ACAN: variants seen among roughly 807,000 people sequenced by gnomAD.
The protein encoded by ACAN is aggrecan core protein.
A neutral mutation model predicts 169.1 loss-of-function variants in ACAN; 47 were observed. The observed-to-expected ratio is 0.28, with a 90% CI of 0.22 to 0.35. The LOEUF is 0.35. Among genes scored for constraint, ACAN ranks in the 10% least tolerant of loss-of-function variants. The probability of loss-of-function intolerance (pLI) is 1.00; values close to 1 mark genes in which losing one functional copy is unlikely to be tolerated. For synonymous variants in ACAN, 1,115 were observed against 1,112.2 expected, an observed-to-expected ratio of 1.00 and a Z score of -0.05; for missense variants, 2,716 against 2,759.9, an observed-to-expected ratio of 0.98 and a Z score of 0.36.
rs1897308084 is a variant in ACAN at position 88,868,053 on chromosome 15, G to T, written c.6947-163G>T. Among the ~76,000 whole-genome samples, 1 of 147,592 alleles carries T rather than the reference G, an allele frequency of 6.8e-6. No individual in the cohort carries two copies. The highest frequency in any genetic ancestry group is 2.1e-4 in the South Asian group (1 of 4,804). On this transcript the variant is annotated intron_variant, in intron 13 of 18. Transcript: ENST00000560601. The surrounding 1 kb of genome is among the most constrained non-coding windows in gnomAD (Gnocchi z 5.2). ...ATCTTTGCTTCAGCACTCCAAGATG[G>T]CAGCAGCAGCAGCAGCAGCAGCAAC...
intron 13 of ACAN, among the ~76,000 whole-genome samples, chr15:88,865,214 C>A (rs564198303): frequency 3.3e-5 from 5 of 152,148 alleles, no homozygotes; most frequent in Non-Finnish European, 7.4e-5. Context: ...CTGATGCTCC[C>A]CAGAGTCCCT....
intron 9 of ACAN, among the ~76,000 whole-genome samples, chr15:88,848,924 C>A (rs1475234654): frequency 6.6e-6 from 1 of 152,206 alleles, no homozygotes. Context: ...CCTCCTCCCC[C>A]TAAACCGGAT....
In ACAN at chr15:88,845,652, C is replaced by T; in HGVS notation, c.1199C>T (p.Thr400Ile). 1 of 1,614,068 alleles carries T rather than the reference C, an allele frequency of 6.2e-7. No homozygotes were observed. Among genetic ancestry groups the T allele is most frequent in the Non-Finnish European group, 8.5e-7 (1 of 1,179,908 alleles). ...GAAGCCCGAGGCAGCGTGATCCTTA[C>T]CGTAAAGCCCATCTTCGAGGTCTCC... is the stretch of plus-strand genomic sequence containing the variant. Reference protein sequence around the residue: ...EGEARGSVILTVKPIFEVSPS... With the variant: ...EGEARGSVILIVKPIFEVSPS... The change falls in exon 7 of 19, where the codon ACC (threonine) becomes ATC (isoleucine). Residue 400 changes from threonine (T) to isoleucine (I), a missense_variant. Physicochemically the swap from Thr to Ile is moderately conservative, Grantham distance 89 (BLOSUM62 -1). Transcript: ENST00000560601.
At chr15:88,830,599 T>G (rs1896334892) in intron 1 of ACAN, among the ~76,000 whole-genome samples, 1 of 152,188 alleles carries the variant, frequency 6.6e-6, no homozygotes, top group Admixed American at 6.5e-5. Flanking sequence ...TATACACAAA[T>G]ACTTCCCTCT....
rs770216280 is a variant in ACAN at position 88,873,023 on chromosome 15, C to T, written c.7445C>T (p.Thr2482Ile). Residue 2482 changes from threonine to isoleucine, a missense_variant and splice_region_variant, in exon 17 of 19, where the codon ACA becomes ATA. Coordinates refer to ENST00000560601, the MANE Select transcript of ACAN (RefSeq NM_001369268.1). This position sits in a 1 kb window ranked among gnomAD's most constrained non-coding sequence, Gnocchi z 7.5. The part of the protein sequence containing the change: ...YHLPFTCKKG[T>I]VACGEPPVVE... ...CTCCCCTTCACGTGTAAAAAGGGCA[C>T]AGGTAAGCTGGCGCCTGGGAGGGGT... The T allele has an allele frequency of 4.3e-6, 7 of 1,612,432 alleles. No individual in the cohort carries two copies. The highest frequency in any genetic ancestry group is 5.1e-6 in the Non-Finnish European group (6 of 1,179,320).
intron 5 of ACAN, 65 bp downstream of exon 5, chr15:88,841,932 C>T (rs1896673709): frequency 6.3e-7 from 1 of 1,598,596 alleles, no homozygotes; most frequent in Non-Finnish European, 8.6e-7. Flanking sequence ...CCCTCCCCAT[C>T]TCCCCACTGA....
chr15:88,845,665 C>G lies in ACAN; in HGVS notation c.1212C>G (p.Ile404Met), dbSNP rs1180906927. Residue 404 changes from isoleucine to methionine, a missense_variant, in exon 7 of 19, where the codon ATC (isoleucine) becomes ATG (methionine). This residue lies in a region of ACAN where 1,283 missense variants were observed against 1,281.5 expected (regional missense o/e 1.00). Transcript: ENST00000560601. ...RGSVILTVKPIFEVSPSPLEP... is the reference protein window; with the variant it reads ...RGSVILTVKPMFEVSPSPLEP... ...GCGTGATCCTTACCGTAAAGCCCAT[C>G]TTCGAGGTCTCCCCCAGTCCCCTGG... is the stretch of plus-strand genomic sequence containing the variant. 6.2e-7 allele frequency: 1 copy of G among 1,614,044 alleles called. No individual in the cohort carries two copies. Among genetic ancestry groups the G allele is most frequent in the Admixed American group, 1.7e-5 (1 of 60,030 alleles).
Position 88,872,748 on chromosome 15 carries a change from C to A in ACAN, c.7303-133C>A. 8.7e-7 allele frequency: 1 copy of A among 1,147,342 alleles called. No individual in the cohort carries two copies. The highest frequency in any genetic ancestry group is 1.2e-6 in the Non-Finnish European group (1 of 819,432). 71.1% of individuals were successfully genotyped at this position (1,147,342 alleles called of 1,614,324 possible). On this transcript the variant is annotated intron_variant, in intron 16 of 18. Transcript: ENST00000560601. The surrounding 1 kb of genome is among the most constrained non-coding windows in gnomAD (Gnocchi z 5.4). ...CAGATTCCCAGCAGTTTTTGTGCTG[C>A]TATCAGATGAGCCTGAAGTTGGTGC...
At chr15:88,841,179 T>C (rs531988932) in intron 4 of ACAN, among the ~76,000 whole-genome samples, 12 of 152,352 alleles carry the variant, frequency 7.9e-5, no homozygotes, top group African/African-American at 2.4e-4. Flanking sequence ...ATTCCAGCTC[T>C]GGCACTTGGA....
chr15:88,810,575 C>G (rs1195948942), intron 1 of ACAN, among the ~76,000 whole-genome samples: 2 of 152,136 alleles, frequency 1.3e-5, no homozygotes, highest in African/African-American at 4.8e-5. Context: ...TCCCTTTGAC[C>G]TGCATATCCA....
intron 1 of ACAN, among the ~76,000 whole-genome samples, chr15:88,810,542 C>G (rs899659982): frequency 6.6e-6 from 1 of 152,072 alleles, no homozygotes; most frequent in African/African-American, 2.4e-5. Flanking sequence ...AGCAGATGCT[C>G]CCTGTCTCCC....
rs117881662 is a variant in ACAN, at chr15:88,847,303, A to G, written c.1490A>G (p.Gln497Arg). The change falls in exon 8 of 19, where the codon CAG (glutamine) becomes CGG (arginine). Residue 497 changes from glutamine to arginine, a missense_variant. Around this residue, in one of 3 missense-constraint regions of ACAN, gnomAD observed 1,283 missense variants for 1,281.5 expected, o/e 1.00. Transcript: ENST00000560601. ...TRYSLTFEEA[Q>R]QACLRTGAVI... is the part of the protein sequence containing the mutation. ...TACTCGCTGACCTTTGAGGAGGCAC[A>G]GCAGGCCTGCCTGCGCACGGGGGCG... is the stretch of plus-strand genomic sequence containing the variant. 1 of 1,574,140 alleles carries G rather than the reference A, an allele frequency of 6.4e-7. No homozygotes were observed. The highest frequency in any genetic ancestry group is 8.6e-7 in the Non-Finnish European group (1 of 1,161,036).
rs114471994 is a variant in ACAN, at chr15:88,842,960, A to C, written c.758-395A>C. On this transcript the variant is annotated intron_variant, in intron 5 of 18. Transcript: ENST00000560601. ...TCAAGGTCTGATGCCTGCTTTTCCCAGGAAAATTTGAGGTTTTTAAAAGGA... is the reference window on the plus strand; with the variant it reads ...TCAAGGTCTGATGCCTGCTTTTCCCCGGAAAATTTGAGGTTTTTAAAAGGA... Among the ~76,000 whole-genome samples, 263 of 152,316 alleles carry C rather than the reference A, an allele frequency of 1.7e-3. 1 individual carries two copies. Among genetic ancestry groups the C allele is most frequent in the African/African-American group, 6.0e-3 (250 of 41,564 alleles).
At chr15:88,824,319 C>CAA (rs763174904) in intron 1 of ACAN, among the ~76,000 whole-genome samples, 3 of 122,360 alleles carry the variant, frequency 2.5e-5, no homozygotes, top group Non-Finnish European at 3.3e-5. Context: ...GACTCCGTCT[C>CAA]AAAAAAAAAA....
rs974959270 is a variant in ACAN at position 88,845,601 on chromosome 15, C to A, written c.1148C>A (p.Pro383Gln). The change falls in exon 7 of 19, where the codon CCA becomes CAA. Residue 383 changes from proline to glutamine, a missense_variant. Physicochemically the swap from Pro to Gln is moderately conservative, Grantham distance 76. This residue lies in a region of ACAN where 1,283 missense variants were observed against 1,281.5 expected (regional missense o/e 1.00). Coordinates refer to ENST00000560601, the MANE Select transcript of ACAN (RefSeq NM_001369268.1). ...QTVTWPDMEL[P>Q]LPRNITEGEA... Reference sequence around the variant, plus strand: ...GTGACCTGGCCTGACATGGAGCTGCCACTGCCTCGAAACATCACTGAGGGT... The same window carrying A: ...GTGACCTGGCCTGACATGGAGCTGCAACTGCCTCGAAACATCACTGAGGGT... 1 of 1,614,054 alleles carries A rather than the reference C, an allele frequency of 6.2e-7. No individual in the cohort carries two copies.
chr15:88,804,059 G>T (rs1895612618), intron 1 of ACAN, among the ~76,000 whole-genome samples: 1 of 152,222 alleles, frequency 6.6e-6, no homozygotes, highest in South Asian at 2.1e-4. Context: ...CTCCTAGTCC[G>T]CCAGGATGAA....
chr15:88,850,169 G>A (rs906750441), intron 10 of ACAN: 5 of 377,586 alleles, frequency 1.3e-5, no homozygotes, highest in African/African-American at 1.0e-4. Context: ...ATATCTATAT[G>A]TAAAGCTGTA....
chr15:88,851,895 G>T lies in ACAN; in HGVS notation c.2128G>T (p.Ala710Ser). Residue 710 changes from alanine to serine, a missense_variant, in exon 11 of 19, where the codon GCT (alanine) becomes TCT (serine). Around this residue, in one of 3 missense-constraint regions of ACAN, gnomAD observed 1,283 missense variants for 1,281.5 expected, o/e 1.00. Coordinates refer to ENST00000560601, the MANE Select transcript of ACAN (RefSeq NM_001369268.1). This position sits in a 1 kb window ranked among gnomAD's most constrained non-coding sequence, Gnocchi z 4.3. The stretch of plus-strand genomic sequence containing the variant: ...CGTGACCCAAGTGGTTCCTGGTGTG[G>T]CTGCTGTCCCCGTAGAAGAGGAGAC... ...WIVTQVVPGV[A>S]AVPVEEETTA... 6.2e-7 allele frequency: 1 copy of T among 1,612,516 alleles called. No individual in the cohort carries two copies. The highest frequency in any genetic ancestry group is 8.5e-7 in the Non-Finnish European group (1 of 1,179,360).
rs201302102 is a variant in ACAN at position 88,856,705 on chromosome 15, G to A, written c.4120G>A (p.Gly1374Arg). The A allele has an allele frequency of 7.3e-3, 3,136 of 432,036 alleles. 7 individuals are homozygous for A. Among genetic ancestry groups the A allele is most frequent in the Middle Eastern group, 0.011 (20 of 1,760 alleles). 26.8% of individuals were successfully genotyped at this position (432,036 alleles called of 1,614,324 possible). Reference protein sequence around the residue: ...TAAPGVEDISGLPSGEVLETA... With the variant: ...TAAPGVEDISRLPSGEVLETA... The stretch of plus-strand genomic sequence containing the variant: ...TGCCCCTGGAGTAGAGGACATCAGC[G>A]GGCTTCCTTCTGGAGAAGTTCTAGA... Residue 1374 changes from glycine to arginine, a missense_variant, in exon 12 of 19, where the codon GGG becomes AGG. Coordinates refer to ENST00000560601, the MANE Select transcript of ACAN (RefSeq NM_001369268.1).
Sources: allele counts gnomAD v4.1 joint callset (sites outside exome capture counted in the v4.1 genomes callset), GRCh38; gene constraint gnomAD v4.1.1; regional missense constraint gnomAD v4.1.1; non-coding constraint Gnocchi (gnomAD v3.1); transcripts MANE v1.5; gene names NCBI Gene and HGNC (gene_info 2026-07-23, HGNC 2026-07-21).